The following SERPINB3 variants were observed in gnomAD, a reference collection of about 807,000 sequenced individuals.
SERPINB3 encodes serpin B3.
A neutral mutation model predicts 33.0 loss-of-function variants in SERPINB3; 33 were observed. That is an observed-to-expected ratio of 1.00 (90% confidence interval 0.76 to 1.34). The LOEUF (loss-of-function observed/expected upper bound fraction) is 1.34. Among genes scored for constraint, SERPINB3 ranks in the 40% most tolerant of loss-of-function variants. The pLI is 0.00. For synonymous variants in SERPINB3, 200 were observed against 170.9 expected (o/e 1.17, Z -1.33); for missense variants, 518 against 461.5 (o/e 1.12, Z -1.12).
Position 63,657,328 on chromosome 18 carries a change from T to G in SERPINB3, c.554A>C (p.Gln185Pro), listed in dbSNP as rs776678891. The G allele has an allele frequency of 1.2e-6, 2 of 1,609,768 alleles. No homozygotes were observed. Among genetic ancestry groups the G allele is most frequent in the East Asian group, 4.5e-5 (2 of 44,778 alleles). The change falls in exon 6 of 8, where the codon CAG (glutamine) becomes CCG (proline). Residue 185 changes from glutamine (Q) to proline (P), a missense_variant. Transcript: ENST00000283752. ...TTCTTTATTAAATTTCTTCTCCCAC[T>G]GCCCTTTGAAATAGATTGCGTTCAC... ...VLVNAIYFKGQWEKKFNKEDT... is the reference protein window; with the variant it reads ...VLVNAIYFKGPWEKKFNKEDT...
rs1459242450 is a variant in SERPINB3, at chr18:63,661,160, G to C, written c.57C>G (p.Phe19Leu). 1.2e-6 allele frequency: 2 copies of C among 1,613,572 alleles called. No individual in the cohort carries two copies. Among genetic ancestry groups the C allele is most frequent in the South Asian group, 1.1e-5 (1 of 91,066 alleles). ...TKFMFDLFQQ[F>L]RKSKENNIFY... Reference sequence around the variant, plus strand: ...AGATGTTGTTCTCTTTTGATTTTCTGAACTGTTGGAACAGGTCGAACATGA... The same window carrying C: ...AGATGTTGTTCTCTTTTGATTTTCTCAACTGTTGGAACAGGTCGAACATGA... The change falls in exon 2 of 8, where the codon TTC becomes TTG. Residue 19 changes from phenylalanine (F) to leucine (L), a missense_variant. Transcript: ENST00000283752.
chr18:63,661,192 T>C lies in SERPINB3; in HGVS notation c.25A>G (p.Thr9Ala). The change falls in exon 2 of 8, where the codon ACC (threonine) becomes GCC (alanine). Residue 9 changes from threonine (T) to alanine (A), a missense_variant. Thr to Ala is a moderately conservative substitution (Grantham distance 58). Transcript: ENST00000283752. ...TGGAACAGGTCGAACATGAACTTGG[T>C]GTTGGCTTCACTGAGTGAATTCATG... MNSLSEAN[T>A]KFMFDLFQQF... The C allele has an allele frequency of 5.0e-6, 8 of 1,613,514 alleles. No individual in the cohort carries two copies. Among genetic ancestry groups the C allele is most frequent in the Non-Finnish European group, 6.8e-6 (8 of 1,179,566 alleles).
Position 63,656,008 on chromosome 18 carries a change from A to G in SERPINB3, c.822T>C (p.Asn274=). Reference sequence around the variant, plus strand: ...GTAAATCGACACGTGTCTCTCTCATATTCTGCAAACTTGTCCATTCCATCA... The same window carrying G: ...GTAAATCGACACGTGTCTCTCTCATGTTCTGCAAACTTGTCCATTCCATCA... ...EKLMEWTSLQ[N]MRETRVDLHL... is the part of the protein sequence containing the mutation. Residue 274 remains asparagine (N), a synonymous_variant, in exon 8 of 8, where the codon AAT becomes AAC. Coordinates refer to ENST00000283752, the MANE Select transcript of SERPINB3 (RefSeq NM_006919.3). The G allele has an allele frequency of 3.7e-6, 6 of 1,613,960 alleles. No individual in the cohort carries two copies. Among genetic ancestry groups the G allele is most frequent in the Non-Finnish European group, 4.2e-6 (5 of 1,179,926 alleles).
At chr18:63,658,932 T>A (rs899235147) in intron 4 of SERPINB3, among the ~76,000 whole-genome samples, 1 of 152,188 alleles carries the variant, frequency 6.6e-6, no homozygotes, top group African/African-American at 2.4e-5. Flanking sequence ...TTCTCAGACC[T>A]CTTTCCAGTA....
chr18:63,657,796 G>A (rs1050143707), intron 5 of SERPINB3, among the ~76,000 whole-genome samples: 9 of 147,982 alleles, frequency 6.1e-5, no homozygotes, highest in Non-Finnish European at 8.9e-5. Flanking sequence ...TTTTAACTAC[G>A]GGGTCCCCAT....
chr18:63,656,119 A>G, intron 7 of SERPINB3, 58 bp from the exon 8 acceptor site: 1 of 1,556,730 alleles, frequency 6.4e-7, no homozygotes, highest in Non-Finnish European at 8.7e-7. Context: ...AATACACCTT[A>G]ACAATGAATT....
rs750445608 is a variant in SERPINB3 at position 63,660,717 on chromosome 18, T to G, written c.222+83A>C. ...CCAAGATTTTCCCTAAAAATGGCCT[T>G]TTCTTAGTTTCTGTGAAGTTCCAGG... On this transcript the variant is annotated intron_variant, in intron 3 of 7. Coordinates refer to ENST00000283752, the MANE Select transcript of SERPINB3 (RefSeq NM_006919.3). 151 of 1,588,090 alleles carry G rather than the reference T, an allele frequency of 9.5e-5. No individual in the cohort carries two copies. The African/African-American group carries it at 1.8e-3, about 19-fold the overall frequency.
chr18:63,655,896 C>G lies in SERPINB3; in HGVS notation c.934G>C (p.Ala312Pro), dbSNP rs564270544. 6.2e-7 allele frequency: 1 copy of G among 1,613,974 alleles called. No individual in the cohort carries two copies. The highest frequency in any genetic ancestry group is 2.2e-5 in the East Asian group (1 of 44,864). Reference protein sequence around the residue: ...MGMVDIFNGDADLSGMTGSRG... With the variant: ...MGMVDIFNGDPDLSGMTGSRG... ...CTCCCGGTCATGCCTGAGAGGTCTG[C>G]ATCCCCATTGAAGATATCCACCATT... is the stretch of plus-strand genomic sequence containing the variant. Residue 312 changes from alanine to proline, a missense_variant, in exon 8 of 8, where the codon GCA becomes CCA. Coordinates refer to ENST00000283752, the MANE Select transcript of SERPINB3 (RefSeq NM_006919.3).
rs548283356 is a variant in SERPINB3, at chr18:63,659,221, T to G, written c.351+178A>C. On this transcript the variant is annotated intron_variant, in intron 4 of 7. Transcript: ENST00000283752. Reference sequence around the variant, plus strand: ...CTAAATCCACACTTCAGTGATGTATTGTTAGGGTCTGGGACACTCCAGTGG... The same window carrying G: ...CTAAATCCACACTTCAGTGATGTATGGTTAGGGTCTGGGACACTCCAGTGG... 5 of 666,754 alleles carry G rather than the reference T, an allele frequency of 7.5e-6. No homozygotes were observed. In the East Asian group the frequency reaches 1.3e-4, roughly 18 times the overall value. The allele number at this position is 666,754 out of a possible 1,614,324, so 41.3% of individuals were successfully genotyped here.
chr18:63,659,713 C>T (rs1297408984), intron 3 of SERPINB3, among the ~76,000 whole-genome samples, 186 bp from the exon 4 acceptor site: 2 of 152,108 alleles, frequency 1.3e-5, no homozygotes, highest in Non-Finnish European at 2.9e-5. Context: ...TTCACTTCTT[C>T]CAGGAAATTC....
chr18:63,655,886 G>C lies in SERPINB3; in HGVS notation c.944C>G (p.Ser315Ter). The change falls in exon 8 of 8, where the codon TCA (serine) becomes TGA (stop). Residue 315 changes from serine (S) to a stop codon, truncating the protein, a stop_gained. Coordinates refer to ENST00000283752, the MANE Select transcript of SERPINB3 (RefSeq NM_006919.3). LOFTEE classifies it low-confidence loss of function (END_TRUNC). ...VDIFNGDADL[S>*]GMTGSRGLVL... ...GAGACCGCGGCTCCCGGTCATGCCT[G>C]AGAGGTCTGCATCCCCATTGAAGAT... The C allele has an allele frequency of 6.2e-7, 1 of 1,613,994 alleles. No homozygotes were observed. Among genetic ancestry groups the C allele is most frequent in the Non-Finnish European group, 8.5e-7 (1 of 1,179,954 alleles).
At chr18:63,657,607 C>G (rs8092692) in intron 5 of SERPINB3, among the ~76,000 whole-genome samples, 195 bp from the exon 6 acceptor site, 2 of 152,042 alleles carry the variant, frequency 1.3e-5, no homozygotes, top group African/African-American at 4.8e-5. Context: ...AGGCTCCAGT[C>G]GTATAAAGTT....
At chr18:63,657,092 T>C in intron 6 of SERPINB3, 106 bp from the exon 7 acceptor site, 2 of 1,096,080 alleles carry the variant, frequency 1.8e-6, no homozygotes, top group Non-Finnish European at 2.6e-6. Flanking sequence ...AATCCAAGAA[T>C]GTAATGAGTT....
intron 6 of SERPINB3, 127 bp from the exon 7 acceptor site, chr18:63,657,113 GCT>G: frequency 2.1e-6 from 2 of 954,652 alleles, no homozygotes; most frequent in Non-Finnish European, 3.0e-6. Context: ...AGAGACAATA[GCT>G]TCTTCAGGAA....
rs773454926 is a variant in SERPINB3, at chr18:63,661,261, C to T, written c.-26-19G>A. 1 of 1,588,178 alleles carries T rather than the reference C, an allele frequency of 6.3e-7. No homozygotes were observed. Among genetic ancestry groups the T allele is most frequent in the Non-Finnish European group, 8.6e-7 (1 of 1,165,728 alleles). ...GGAACTCCTGGAAAAGCATCAGATT[C>T]CTGTCAGAATGACTTTAATAAATGG... On this transcript the variant is annotated intron_variant, in intron 1 of 7. Coordinates refer to ENST00000283752, the MANE Select transcript of SERPINB3 (RefSeq NM_006919.3).
chr18:63,657,265 A>G lies in SERPINB3; in HGVS notation c.612+5T>C, dbSNP rs1172282547. ...TACATTATATAAATAAAATATAGAC[A>G]ATACCTTGTTTGGCCAAAATTTTTC... On this transcript the variant is annotated splice_donor_5th_base_variant and intron_variant, in intron 6 of 7. Transcript: ENST00000283752. The G allele has an allele frequency of 4.8e-6, 7 of 1,450,638 alleles. No individual in the cohort carries two copies. The highest frequency in any genetic ancestry group is 6.7e-6 in the Non-Finnish European group (7 of 1,045,004). 89.9% of individuals were successfully genotyped at this position (1,450,638 alleles called of 1,614,324 possible).
chr18:63,657,327 C>T lies in SERPINB3; in HGVS notation c.555G>A (p.Gln185=), dbSNP rs1913524282. 3 of 1,609,670 alleles carry T rather than the reference C, an allele frequency of 1.9e-6. No homozygotes were observed. The highest frequency in any genetic ancestry group is 2.5e-6 in the Non-Finnish European group (3 of 1,176,918). ...VLVNAIYFKG[Q]WEKKFNKEDT... ...CTTCTTTATTAAATTTCTTCTCCCA[C>T]TGCCCTTTGAAATAGATTGCGTTCA... The change falls in exon 6 of 8, where the codon CAG becomes CAA. Residue 185 remains glutamine (Q), a synonymous_variant. Coordinates refer to ENST00000283752, the MANE Select transcript of SERPINB3 (RefSeq NM_006919.3).
At chr18:63,659,330 T>C (rs754184357) in intron 4 of SERPINB3, 69 bp downstream of exon 4, 1 of 1,541,536 alleles carries the variant, frequency 6.5e-7, no homozygotes, top group South Asian at 1.1e-5. Context: ...CTTGCTTTCT[T>C]CCATTTGGCC....
At position 63,657,196 on chromosome 18, in the gene SERPINB3, G is replaced by T. The variant is rs575826225; in HGVS notation, c.612+74C>A. On this transcript the variant is annotated intron_variant, in intron 6 of 7. Transcript: ENST00000283752. ...ACATGAACAATTTTATTTTTTACTT[G>T]TCATGGTACATTCCATCAGAAATGT... 9.5e-5 allele frequency: 88 copies of T among 930,960 alleles called. No homozygotes were observed. In the Admixed American group the frequency reaches 2.5e-3, roughly 27 times the overall value. The allele number at this position is 930,960 out of a possible 1,614,324, so 57.7% of individuals were successfully genotyped here. A position where few individuals can be genotyped will look rare whatever the true frequency, so the allele number is the denominator to read the frequency against.
Sources: allele counts gnomAD v4.1 joint callset (sites outside exome capture counted in the v4.1 genomes callset), GRCh38; gene constraint gnomAD v4.1.1; transcripts MANE v1.5; gene names NCBI Gene and HGNC (gene_info 2026-07-23, HGNC 2026-07-21).